The following ASAH2 variants were observed in gnomAD, a reference collection of about 807,000 sequenced individuals.
ASAH2 encodes N-acylsphingosine amidohydrolase 2, also known as neutral ceramidase.
A neutral mutation model predicts 82.9 loss-of-function variants in ASAH2; 58 were observed. The observed-to-expected ratio is 0.70, with a 90% CI of 0.57 to 0.87. The LOEUF is 0.87. Ranked by LOEUF, ASAH2 falls within the 40% of genes least tolerant of loss-of-function variation. The probability of loss-of-function intolerance (pLI) is 0.00; values close to 1 mark genes in which losing one functional copy is unlikely to be tolerated. For missense variants in ASAH2, 779 were observed against 834.0 expected (o/e 0.93, Z 0.81); for synonymous variants, 276 against 289.7 (o/e 0.95, Z 0.48).
At chr10:50,202,945 C>G in intron 15 of ASAH2, 21 bp from the exon 16 acceptor site, 3 of 1,460,792 alleles carry the variant, frequency 2.1e-6, no homozygotes, top group Non-Finnish European at 2.9e-6. Context: ...AAGGTAAAAC[C>G]CAATAAAATT....
At chr10:50,234,573 G>C (rs777302897) in intron 5 of ASAH2, 21 bp from the exon 6 acceptor site, 1 of 1,612,272 alleles carries the variant, frequency 6.2e-7, no homozygotes, top group East Asian at 2.2e-5. Flanking sequence ...AAAAAGAGGG[G>C]GATGTTATAA....
intron 4 of ASAH2, among the ~76,000 whole-genome samples, chr10:50,237,179 C>G (rs1459939689): frequency 6.6e-6 from 1 of 152,110 alleles, no homozygotes; most frequent in Non-Finnish European, 1.5e-5. Context: ...ACTCTAGTAC[C>G]TCATTTCCCA....
intron 12 of ASAH2, 112 bp downstream of exon 12, chr10:50,210,711 A>G: frequency 9.9e-7 from 1 of 1,013,372 alleles, no homozygotes; most frequent in Non-Finnish European, 1.6e-6. Flanking sequence ...AAACCAGCAG[A>G]CCCTGAGTTT....
At chr10:50,194,836 C>T (rs1844932414) in intron 18 of ASAH2, among the ~76,000 whole-genome samples, 4 of 151,492 alleles carry the variant, frequency 2.6e-5, no homozygotes. Flanking sequence ...TCAATAAATG[C>T]TGCTGGGAAA....
intron 8 of ASAH2, among the ~76,000 whole-genome samples, chr10:50,217,890 C>T (rs1426451879): frequency 2.0e-5 from 3 of 152,056 alleles, no homozygotes; most frequent in African/African-American, 7.2e-5. Flanking sequence ...TTTGGGAGGC[C>T]GAGGTGGGCA....
chr10:50,205,989 G>T lies in ASAH2; in HGVS notation c.1523C>A (p.Thr508Asn). Residue 508 changes from threonine (T) to asparagine (N), a missense_variant, in exon 13 of 21, where the codon ACC becomes AAC. Transcript: ENST00000682911. ...CHKPKPILLH[T>N]GELSKPHPWH... ...ATAACGAAAATGCATTACTTCTCCG[G>T]TGTGAAGAAGGATGGGCTTTGGTTT... 1 of 1,606,528 alleles carries T rather than the reference G, an allele frequency of 6.2e-7. No individual in the cohort carries two copies.
intron 4 of ASAH2, chr10:50,240,578 T>C (rs1199818995): frequency 1.4e-6 from 1 of 702,260 alleles, no homozygotes; most frequent in Non-Finnish European, 2.6e-6. Context: ...CAAGCTGGCA[T>C]CTCAAGGCCC....
chr10:50,247,011 G>C (rs2043618), intron 2 of ASAH2, among the ~76,000 whole-genome samples: 43,967 of 152,030 alleles, frequency 0.29, 6,614 homozygotes, highest in Non-Finnish European at 0.31. Flanking sequence ...AAATATTCTA[G>C]AATCCTCACT....
chr10:50,228,971 G>A (rs1467258278), intron 7 of ASAH2, among the ~76,000 whole-genome samples: 1 of 152,146 alleles, frequency 6.6e-6, no homozygotes, highest in African/African-American at 2.4e-5. Context: ...CAGCATCCTT[G>A]AAGAAATAAG....
intron 12 of ASAH2, among the ~76,000 whole-genome samples, chr10:50,209,690 TA>T (rs1845401752): frequency 6.6e-6 from 1 of 151,992 alleles, no homozygotes; most frequent in South Asian, 2.1e-4. Context: ...TACTCAATAA[TA>T]AAAAGAAAAA....
intron 18 of ASAH2, among the ~76,000 whole-genome samples, chr10:50,194,152 C>T (rs1844913518): frequency 6.6e-6 from 1 of 151,184 alleles, no homozygotes; most frequent in Non-Finnish European, 1.5e-5. Flanking sequence ...GAAAACATTT[C>T]CCAACTCATT....
At chr10:50,242,612 G>A (rs1846331090) in intron 4 of ASAH2, among the ~76,000 whole-genome samples, 1 of 144,040 alleles carries the variant, frequency 6.9e-6, no homozygotes, top group Non-Finnish European at 1.6e-5. Flanking sequence ...GGCTTGGTTG[G>A]TTGCTTGCTC....
In ASAH2 at chr10:50,194,039, A is replaced by G. The variant is rs1224541414; in HGVS notation, c.2005-1327T>C. Among the ~76,000 whole-genome samples the G allele has an allele frequency of 4.0e-5, 6 of 151,546 alleles. No homozygotes were observed. The South Asian group carries it at 1.0e-3, about 26-fold the overall frequency. On this transcript the variant is annotated intron_variant, in intron 18 of 20. Coordinates refer to ENST00000682911, the MANE Select transcript of ASAH2 (RefSeq NM_019893.4). ...TTGAATTAGTAATAAAAATTTTGCC[A>G]TAAAGAAAAGCCAGGTCCATATGGC...
At chr10:50,243,007 A>G (rs1388701792) in intron 4 of ASAH2, among the ~76,000 whole-genome samples, 195 bp downstream of exon 4, 1 of 152,218 alleles carries the variant, frequency 6.6e-6, no homozygotes. Context: ...AATTTTGACC[A>G]AGATAACTTA....
rs748156723 is a variant in ASAH2 at position 50,214,887 on chromosome 10, A to G, written c.1015-19T>C. The G allele has an allele frequency of 6.2e-7, 1 of 1,613,072 alleles. No homozygotes were observed. The highest frequency in any genetic ancestry group is 1.3e-5 in the African/African-American group (1 of 74,910). On this transcript the variant is annotated intron_variant, in intron 8 of 20. Transcript: ENST00000682911. Reference sequence around the variant, plus strand: ...ATGGCCCCTGCCAAAAGAAATGCCAAGTTGCCTTTTATTCTTTCCTATTTC... The same window carrying G: ...ATGGCCCCTGCCAAAAGAAATGCCAGGTTGCCTTTTATTCTTTCCTATTTC...
chr10:50,223,168 T>C (rs35523067), intron 7 of ASAH2, among the ~76,000 whole-genome samples: 24,130 of 152,208 alleles, frequency 0.16, 2,282 homozygotes, highest in East Asian at 0.33. Flanking sequence ...TCAACTATTA[T>C]AGAATCAGTA....
chr10:50,246,765 G>A (rs1419649704), intron 2 of ASAH2, among the ~76,000 whole-genome samples: 2 of 152,164 alleles, frequency 1.3e-5, no homozygotes, highest in East Asian at 3.9e-4. Flanking sequence ...TCATTCCCAA[G>A]CCGAGATTTT....
At position 50,199,014 on chromosome 10, in the gene ASAH2, G is replaced by A. The variant is rs1414436135; in HGVS notation, c.1857+37C>T. On this transcript the variant is annotated intron_variant, in intron 17 of 20. Coordinates refer to ENST00000682911, the MANE Select transcript of ASAH2 (RefSeq NM_019893.4). ...CATACACACACACACACACACACAC[G>A]CACGCGCGCATGCACGCACAAACAA... 332 of 1,551,808 alleles carry A rather than the reference G, an allele frequency of 2.1e-4. No individual in the cohort carries two copies. In the African/African-American group the frequency reaches 2.9e-3, roughly 13 times the overall value.
intron 2 of ASAH2, 29 bp from the exon 3 acceptor site, chr10:50,245,483 A>G: frequency 1.3e-6 from 2 of 1,575,136 alleles, no homozygotes; most frequent in Non-Finnish European, 1.7e-6. Context: ...TTTGAGAAAC[A>G]ACATTTCAGC....
Sources: gnomAD v4.1 joint callset for allele counts (sites outside exome capture counted in the v4.1 genomes callset) on GRCh38, gnomAD v4.1.1 for gene constraint, MANE v1.5 for transcripts, NCBI Gene and HGNC (gene_info 2026-07-23, HGNC 2026-07-21) for gene names.